Variants in SEC31B observed in about 807,000 individuals in gnomAD.
SEC31B encodes protein transport protein Sec31B.
In SEC31B, 113 loss-of-function variants were observed where a neutral mutation model predicts 135.0. The observed-to-expected ratio is 0.84, with a 90% CI of 0.72 to 0.98. The LOEUF (loss-of-function observed/expected upper bound fraction) is 0.98, where lower values mean the gene tolerates loss of function less well. Ranked by LOEUF, SEC31B falls within the 50% of genes least tolerant of loss-of-function variation. SEC31B has a pLI of 0.00. For missense variants in SEC31B, 1,296 were observed against 1,421.1 expected (o/e 0.91, Z 1.42); for synonymous variants, 508 against 549.4 (o/e 0.92, Z 1.05).
At chr10:100,516,836 G>A (rs1287541316) in intron 2 of SEC31B, 38 bp downstream of exon 2, 6 of 1,446,260 alleles carry the variant, frequency 4.1e-6, no homozygotes, top group Non-Finnish European at 4.9e-6. Flanking sequence ...CTCAACTTAT[G>A]TACTCCCAGT....
At position 100,488,980 on chromosome 10, in the gene SEC31B, G is replaced by A. The variant is rs772566633; in HGVS notation, c.3172-6C>T. The A allele has an allele frequency of 1.3e-6, 2 of 1,595,328 alleles. No individual in the cohort carries two copies. Among genetic ancestry groups the A allele is most frequent in the South Asian group, 1.1e-5 (1 of 87,612 alleles). ...TCAGGTGGCAGGTGCTGAAGCTGCT[G>A]ATAAAGAAGCAGGGAGAAAGGCCAG... On this transcript the variant is annotated splice_polypyrimidine_tract_variant and splice_region_variant and intron_variant, in intron 23 of 25. Transcript: ENST00000370345.
At chr10:100,509,754 AG>A (rs1282735469) in intron 3 of SEC31B, among the ~76,000 whole-genome samples, 1 of 152,176 alleles carries the variant, frequency 6.6e-6, no homozygotes, top group Non-Finnish European at 1.5e-5. Context: ...AGTTGTGTGG[AG>A]GTGTATATAT....
Position 100,506,317 on chromosome 10 carries a change from C to T in SEC31B, c.882+4G>A, listed in dbSNP as rs766772636. On this transcript the variant is annotated splice_donor_region_variant and intron_variant, in intron 8 of 25. Transcript: ENST00000370345. ...CCAGCATGCCCACAGAAGGGCCAGC[C>T]TACCTCACTGCTCCCCAGGTTCCGG... 2 of 1,614,188 alleles carry T rather than the reference C, an allele frequency of 1.2e-6. No homozygotes were observed.
chr10:100,517,549 A>G (rs906108854), intron 1 of SEC31B, among the ~76,000 whole-genome samples: 1 of 152,058 alleles, frequency 6.6e-6, no homozygotes, highest in Non-Finnish European at 1.5e-5. Context: ...TTTAGTAGAG[A>G]CGTAGTTTTA....
intron 20 of SEC31B, 43 bp from the exon 21 acceptor site, chr10:100,490,365 T>C: frequency 1.3e-6 from 2 of 1,574,814 alleles, no homozygotes; most frequent in Non-Finnish European, 1.7e-6. Flanking sequence ...TAAACTTCAT[T>C]TCAGGAGCAA....
chr10:100,493,352 A>G (rs1036745012), intron 19 of SEC31B, among the ~76,000 whole-genome samples: 4 of 151,612 alleles, frequency 2.6e-5, no homozygotes, highest in Non-Finnish European at 5.9e-5. Flanking sequence ...CAGCCTGGGC[A>G]ACAAAGCAAG....
rs375972833 is a variant in SEC31B, at chr10:100,489,813, A to C, written c.2966-52T>G. 1.7e-5 allele frequency: 28 copies of C among 1,612,602 alleles called. No individual in the cohort carries two copies. The African/African-American group carries it at 2.5e-4, about 15-fold the overall frequency. ...TCGGCGCATAGTGAAAAACACTGGAAGTTTTTTATCTGAAGGCTGGAAGCA... is the reference window on the plus strand; with the variant it reads ...TCGGCGCATAGTGAAAAACACTGGACGTTTTTTATCTGAAGGCTGGAAGCA... On this transcript the variant is annotated intron_variant, in intron 21 of 25. Coordinates refer to ENST00000370345, the MANE Select transcript of SEC31B (RefSeq NM_015490.4).
chr10:100,488,385 G>A (rs2133666230), intron 24 of SEC31B, among the ~76,000 whole-genome samples: 1 of 151,572 alleles, frequency 6.6e-6, no homozygotes, highest in South Asian at 2.1e-4. Context: ...CTTGAACCCG[G>A]GAGGCAGAGC....
chr10:100,495,571 T>G, intron 18 of SEC31B, 25 bp from the exon 19 acceptor site: 1 of 1,602,596 alleles, frequency 6.2e-7, no homozygotes. Context: ...GAGGAAGAGC[T>G]GTGTCAAGAA....
At chr10:100,511,530 G>A (rs1851737044) in intron 3 of SEC31B, among the ~76,000 whole-genome samples, 1 of 152,236 alleles carries the variant, frequency 6.6e-6, no homozygotes. Context: ...AGCTACTCAG[G>A]AGGCTGGGGC....
intron 23 of SEC31B, 49 bp downstream of exon 23, chr10:100,489,203 G>T (rs1851250456): frequency 6.4e-7 from 1 of 1,554,292 alleles, no homozygotes. Context: ...CTGCACCCAA[G>T]GAGGGCTGGA....
Position 100,509,012 on chromosome 10 carries a change from A to C in SEC31B, c.490T>G (p.Ser164Ala). ...LNVPMTLGSK[S>A]QQPPEDIKAL... Reference sequence around the variant, plus strand: ...GTAGTGGGGGTGCTGCTCACCTGTGACTTGGATCCCAGGGTCATTGGCACA... The same window carrying C: ...GTAGTGGGGGTGCTGCTCACCTGTGCCTTGGATCCCAGGGTCATTGGCACA... The change falls in exon 5 of 26, where the codon TCA becomes GCA. Residue 164 changes from serine to alanine, a missense_variant. By Grantham distance (99) the Ser-to-Ala change is moderately conservative. Transcript: ENST00000370345. 6.2e-7 allele frequency: 1 copy of C among 1,613,616 alleles called. No homozygotes were observed. Among genetic ancestry groups the C allele is most frequent in the Non-Finnish European group, 8.5e-7 (1 of 1,179,562 alleles).
chr10:100,505,253 C>T (rs1031254830), intron 10 of SEC31B, 108 bp downstream of exon 10: 4 of 1,415,802 alleles, frequency 2.8e-6, no homozygotes, highest in Non-Finnish European at 3.8e-6. Context: ...GGGAATACGT[C>T]TGCTACAAAA....
chr10:100,514,228 C>A (rs1851785704), intron 3 of SEC31B, among the ~76,000 whole-genome samples: 1 of 152,100 alleles, frequency 6.6e-6, no homozygotes, highest in South Asian at 2.1e-4. Flanking sequence ...TCTCTGCCCA[C>A]ATGGATCTCA....
chr10:100,505,631 G>T, intron 9 of SEC31B, 136 bp from the exon 10 acceptor site: 4 of 1,442,176 alleles, frequency 2.8e-6, no homozygotes, highest in Non-Finnish European at 3.6e-6. Context: ...ATATTCCAGG[G>T]GATGGGGAAG....
chr10:100,502,370 T>C lies in SEC31B; in HGVS notation c.1294A>G (p.Met432Val), dbSNP rs1225146130. The C allele has an allele frequency of 1.2e-6, 2 of 1,614,020 alleles. No individual in the cohort carries two copies. The highest frequency in any genetic ancestry group is 1.7e-6 in the Non-Finnish European group (2 of 1,180,012). Reference protein sequence around the residue: ...SQVTTESEFLMRSAELQEALG... With the variant: ...SQVTTESEFLVRSAELQEALG... ...GCCTCCTGCAGCTCAGCTGATCGCATCAGGAATTCAGATTCTGTGGTGACT... is the reference window on the plus strand; with the variant it reads ...GCCTCCTGCAGCTCAGCTGATCGCACCAGGAATTCAGATTCTGTGGTGACT... The change falls in exon 11 of 26, where the codon ATG (methionine) becomes GTG (valine). Residue 432 changes from methionine to valine, a missense_variant. Physicochemically the swap from Met to Val is conservative, Grantham distance 21. Coordinates refer to ENST00000370345, the MANE Select transcript of SEC31B (RefSeq NM_015490.4).
intron 19 of SEC31B, 175 bp downstream of exon 19, chr10:100,495,210 G>T: frequency 1.5e-6 from 1 of 666,742 alleles, no homozygotes; most frequent in South Asian, 1.7e-5. Context: ...GCACCTTTAT[G>T]TCCTAAGAGC....
chr10:100,502,451 T>C lies in SEC31B; in HGVS notation c.1213A>G (p.Ser405Gly). Reference protein sequence around the residue: ...GGKLVTFGLPSTPAHLVPQPC... With the variant: ...GGKLVTFGLPGTPAHLVPQPC... ...TGTGGCACCAGATGGGCAGGGGTGC[T>C]GGGGAGGCCAAAAGTAACCAGCTTC... Residue 405 changes from serine (S) to glycine (G), a missense_variant, in exon 11 of 26, where the codon AGC (serine) becomes GGC (glycine). Ser to Gly is a moderately conservative substitution (Grantham distance 56, BLOSUM62 0). Coordinates refer to ENST00000370345, the MANE Select transcript of SEC31B (RefSeq NM_015490.4). 6.2e-7 allele frequency: 1 copy of C among 1,613,804 alleles called. No individual in the cohort carries two copies. The highest frequency in any genetic ancestry group is 2.2e-5 in the East Asian group (1 of 44,884).
chr10:100,491,951 T>C (rs1416136042), intron 19 of SEC31B, among the ~76,000 whole-genome samples: 1 of 152,188 alleles, frequency 6.6e-6, no homozygotes, highest in African/African-American at 2.4e-5. Flanking sequence ...AACTAGAGGG[T>C]GGAACCGTAC....
Sources: gnomAD v4.1 joint callset for allele counts (sites outside exome capture counted in the v4.1 genomes callset) on GRCh38, gnomAD v4.1.1 for gene constraint, MANE v1.5 for transcripts, NCBI Gene and HGNC (gene_info 2026-07-23, HGNC 2026-07-21) for gene names.